FSTL5: variants seen among roughly 807,000 people sequenced by gnomAD.
The protein encoded by FSTL5 is follistatin-related protein 5.
In FSTL5, 62 loss-of-function variants were observed where a neutral mutation model predicts 89.1. The ratio of observed to expected loss-of-function variants is 0.70; its 90% CI spans 0.57 to 0.86. FSTL5 has a LOEUF of 0.86. Ranked by LOEUF, FSTL5 falls within the 40% of genes least tolerant of loss-of-function variation. The pLI, the probability that FSTL5 is intolerant of heterozygous loss-of-function variation, is 0.00. For synonymous variants in FSTL5, 383 were observed against 346.2 expected (o/e 1.11, Z -1.18); for missense variants, 1,057 against 1,001.6 (o/e 1.06, Z -0.75).
At chr4:161,475,027 C>CTTTTT (rs58684881) in intron 13 of FSTL5, among the ~76,000 whole-genome samples, 1 of 129,450 alleles carries the variant, frequency 7.7e-6, no homozygotes, top group Non-Finnish European at 1.7e-5. Flanking sequence ...CCTTGATTGG[C>CTTTTT]TTTTTTTTTT....
At chr4:161,940,564 G>GGCCT (rs1322124237) in intron 3 of FSTL5, among the ~76,000 whole-genome samples, 2 of 151,498 alleles carry the variant, frequency 1.3e-5, no homozygotes, top group Non-Finnish European at 3.0e-5. Flanking sequence ...ACAAATAACA[G>GGCCT]CTGATTTTTA....
At chr4:161,946,571 G>A (rs1734739773) in intron 3 of FSTL5, among the ~76,000 whole-genome samples, 1 of 151,988 alleles carries the variant, frequency 6.6e-6, no homozygotes, top group African/African-American at 2.4e-5. Context: ...CAATCATTCA[G>A]GTTGCTCTTT....
intron 7 of FSTL5, among the ~76,000 whole-genome samples, chr4:161,625,571 A>C (rs1341554842): frequency 6.6e-6 from 1 of 152,098 alleles, no homozygotes; most frequent in Non-Finnish European, 1.5e-5. Context: ...AGGCCTCCCT[A>C]TTCCCTAAGA....
chr4:161,429,995 A>G (rs1732298194), intron 15 of FSTL5, among the ~76,000 whole-genome samples: 1 of 152,168 alleles, frequency 6.6e-6, no homozygotes, highest in African/African-American at 2.4e-5. Context: ...TCAGGATATC[A>G]CAGAGAAGGA....
chr4:161,999,071 T>C (rs201921852), intron 3 of FSTL5, among the ~76,000 whole-genome samples: 1 of 152,294 alleles, frequency 6.6e-6, no homozygotes, highest in East Asian at 1.9e-4. Flanking sequence ...TTCAGGTTTC[T>C]AAGGGAAACT....
intron 3 of FSTL5, among the ~76,000 whole-genome samples, chr4:162,027,780 GC>G (rs142973517): frequency 0.098 from 14,877 of 152,134 alleles, 850 homozygotes; most frequent in Non-Finnish European, 0.13. Flanking sequence ...TTAAAGAGTT[GC>G]CAGTTAATCA....
intron 3 of FSTL5, among the ~76,000 whole-genome samples, chr4:161,930,361 T>C (rs1734253141): frequency 6.6e-6 from 1 of 151,880 alleles, no homozygotes; most frequent in African/African-American, 2.4e-5. Flanking sequence ...ATTAAAATAC[T>C]GATTAGTTCA....
chr4:162,062,582 T>G (rs1017896530), intron 2 of FSTL5, among the ~76,000 whole-genome samples: 1 of 151,672 alleles, frequency 6.6e-6, no homozygotes, highest in Admixed American at 6.6e-5. Context: ...TTACTTTATA[T>G]CCATATAGAA....
chr4:162,034,043 C>T (rs1446831795), intron 2 of FSTL5, among the ~76,000 whole-genome samples: 1 of 151,972 alleles, frequency 6.6e-6, no homozygotes, highest in Non-Finnish European at 1.5e-5. Context: ...CTCAAGGAAT[C>T]CTCCTGCCTC....
chr4:162,141,655 T>C (rs1732751552), intron 1 of FSTL5, among the ~76,000 whole-genome samples: 1 of 152,196 alleles, frequency 6.6e-6, no homozygotes, highest in Non-Finnish European at 1.5e-5. Context: ...CAGAGAATTC[T>C]GCAGGACAAG....
intron 4 of FSTL5, among the ~76,000 whole-genome samples, chr4:161,796,278 C>T (rs934073343): frequency 6.6e-5 from 10 of 151,828 alleles, no homozygotes; most frequent in African/African-American, 2.4e-4. Context: ...TTGATCAGCA[C>T]AAATTGTAGT....
chr4:162,119,082 A>C (rs1346596183), intron 1 of FSTL5, among the ~76,000 whole-genome samples: 1 of 152,100 alleles, frequency 6.6e-6, no homozygotes. Context: ...ATTAGCCAGA[A>C]ATGTAGGTGT....
chr4:161,856,596 A>G, intron 4 of FSTL5, among the ~76,000 whole-genome samples: 1 of 151,694 alleles, frequency 6.6e-6, no homozygotes, highest in East Asian at 1.9e-4. Context: ...TTTATATTTT[A>G]ACAGAGAAGA....
chr4:161,917,130 T>C (rs1177637520), intron 4 of FSTL5, among the ~76,000 whole-genome samples: 2 of 151,708 alleles, frequency 1.3e-5, no homozygotes, highest in African/African-American at 4.8e-5. Context: ...TTTTTTTGTA[T>C]TTTTTTTAGT....
intron 6 of FSTL5, among the ~76,000 whole-genome samples, chr4:161,731,509 G>C (rs1393231535): frequency 1.3e-5 from 2 of 151,938 alleles, no homozygotes; most frequent in Non-Finnish European, 2.9e-5. Context: ...CTCTGCCTTG[G>C]TAAGATGTAC....
chr4:161,683,934 T>G (rs182584002), intron 6 of FSTL5, among the ~76,000 whole-genome samples: 1 of 152,182 alleles, frequency 6.6e-6, no homozygotes, highest in Non-Finnish European at 1.5e-5. Flanking sequence ...AAGTCCATTG[T>G]GTCATTCTTA....
At chr4:162,018,526 C>T (rs1736982519) in intron 3 of FSTL5, among the ~76,000 whole-genome samples, 1 of 132,592 alleles carries the variant, frequency 7.5e-6, no homozygotes, top group South Asian at 2.7e-4. Context: ...CAGATGCTTA[C>T]TGGTAATATT....
intron 10 of FSTL5, among the ~76,000 whole-genome samples, chr4:161,533,018 T>A (rs1053358870): frequency 4.6e-5 from 7 of 151,254 alleles, no homozygotes; most frequent in Non-Finnish European, 1.0e-4. Context: ...TAAAAAAAAA[T>A]CTTTGAAATT....
At chr4:161,764,717 G>A (rs546236729) in intron 5 of FSTL5, among the ~76,000 whole-genome samples, 9 of 152,190 alleles carry the variant, frequency 5.9e-5, no homozygotes, top group African/African-American at 1.2e-4. Context: ...TAAACCACTG[G>A]TGGAAAGAAA....
Sources: gnomAD v4.1 joint callset for allele counts (sites outside exome capture counted in the v4.1 genomes callset) on GRCh38, gnomAD v4.1.1 for gene constraint, MANE v1.5 for transcripts, NCBI Gene and HGNC (gene_info 2026-07-23, HGNC 2026-07-21) for gene names.